CDKL5: variants seen among roughly 807,000 people sequenced by gnomAD.
CDKL5 encodes cyclin dependent kinase like 5, also known as cyclin-dependent kinase-like 5.
In CDKL5, 8 loss-of-function variants were observed where a neutral mutation model predicts 61.7. The observed-to-expected ratio is 0.13, with a 90% CI of 0.08 to 0.23. The LOEUF (loss-of-function observed/expected upper bound fraction) is 0.23, where lower values mean the gene tolerates loss of function less well. Among genes scored for constraint, CDKL5 ranks in the 10% least tolerant of loss-of-function variants. The pLI, the probability that CDKL5 is intolerant of heterozygous loss-of-function variation, is 1.00. For synonymous variants in CDKL5, 275 were observed against 272.3 expected (o/e 1.01, Z -0.10); for missense variants, 440 against 734.5 (o/e 0.60, Z 4.63).
At position 18,631,144 on chromosome X, in the gene CDKL5, A is replaced by G; in HGVS notation, c.*2387A>G. ...CTGGGATCTCAGATGTTTGCAGAAC[A>G]TTTCTATTCATGACGGTTCTTCAAA... On this transcript the variant is annotated 3_prime_UTR_variant, in exon 18 of 18. Coordinates refer to ENST00000623535, the MANE Select transcript of CDKL5 (RefSeq NM_001323289.2). 1.3e-6 allele frequency: 1 copy of G among 752,905 alleles called. No homozygotes were observed. Among genetic ancestry groups the G allele is most frequent in the East Asian group, 1.5e-4 (1 of 6,612 alleles). The allele number at this position is 752,905 out of a possible 1,213,427, so 62.0% of individuals were successfully genotyped here.
chrX:18,426,102 G>A (rs931262235), intron 1 of CDKL5: 5 of 112,432 alleles, frequency 4.4e-5, no homozygotes, highest in African/African-American at 1.3e-4. Flanking sequence ...CGCCGGCGCC[G>A]AGGAGGGGCC....
chrX:18,484,865 CCTT>C (rs1921731521), intron 1 of CDKL5, among the ~76,000 whole-genome samples: 1 of 108,487 alleles, frequency 9.2e-6, no homozygotes, highest in Non-Finnish European at 1.9e-5. Flanking sequence ...CTCAAGCGAT[CCTT>C]CTACCTCAGC....
chrX:18,571,637 A>G (rs1485172743), intron 4 of CDKL5, among the ~76,000 whole-genome samples: 1 of 111,245 alleles, frequency 9.0e-6, no homozygotes, highest in East Asian at 2.8e-4. Flanking sequence ...GTGTAATTGG[A>G]ATGTGCCTTC....
intron 10 of CDKL5, among the ~76,000 whole-genome samples, chrX:18,597,413 C>T (rs1926031996): frequency 9.1e-6 from 1 of 109,584 alleles, no homozygotes; most frequent in Non-Finnish European, 1.9e-5. Flanking sequence ...AAAATTAATT[C>T]AAGCCCCTAA....
chrX:18,547,238 A>C (rs752409544), intron 3 of CDKL5, among the ~76,000 whole-genome samples: 1 of 112,121 alleles, frequency 8.9e-6, no homozygotes, highest in Non-Finnish European at 1.9e-5. Context: ...CTTAGTTGAG[A>C]AACTAACTGC....
In CDKL5 at chrX:18,598,524, A is replaced by G. The variant is rs760048639; in HGVS notation, c.888A>G (p.Thr296=). Residue 296 remains threonine, a synonymous_variant, in exon 11 of 18, where the codon ACA becomes ACG. Transcript: ENST00000623535. The part of the protein sequence containing the change: ...YLTEQCLNHP[T]FQTQRLLDRS... ...CAGAACAGTGTTTGAATCACCCTAC[A>G]TTTCAAACCCAGAGACTTCTGGATC... is the stretch of plus-strand genomic sequence containing the variant. 9 of 1,205,051 alleles carry G rather than the reference A, an allele frequency of 7.5e-6. No homozygotes were observed. The highest frequency in any genetic ancestry group is 7.9e-6 in the Non-Finnish European group (7 of 890,557).
chrX:18,641,496 T>C (rs1927573927), downstream of CDKL5: 1 of 130,325 alleles, frequency 7.7e-6, no homozygotes, highest in Non-Finnish European at 1.6e-5. Flanking sequence ...CCAGTCACCC[T>C]TGAGACCCTC....
At chrX:18,597,948 C>A (rs1926057880) in intron 10 of CDKL5, among the ~76,000 whole-genome samples, 1 of 110,429 alleles carries the variant, frequency 9.1e-6, no homozygotes, top group Admixed American at 9.7e-5. Context: ...TAAATTCAGG[C>A]AATTATGTGT....
Position 18,633,737 on chromosome X carries a change from G to A in CDKL5, c.*4980G>A. The stretch of plus-strand genomic sequence containing the variant: ...TGTGAATTGAATGTACGATACAAAT[G>A]GTAGGCCTTCATGTGAGCCAGTTAC... On this transcript the variant is annotated 3_prime_UTR_variant, in exon 18 of 18. Coordinates refer to ENST00000623535, the MANE Select transcript of CDKL5 (RefSeq NM_001323289.2). The A allele has an allele frequency of 2.7e-6, 2 of 752,646 alleles. No homozygotes were observed. The highest frequency in any genetic ancestry group is 3.1e-6 in the Non-Finnish European group (2 of 638,472). 62.0% of individuals were successfully genotyped at this position (752,646 alleles called of 1,213,427 possible). A position where few individuals can be genotyped will look rare whatever the true frequency, so the allele number is the denominator to read the frequency against.
chrX:18,426,162 A>AG (rs1176107928), intron 1 of CDKL5: 1 of 112,244 alleles, frequency 8.9e-6, no homozygotes, highest in African/African-American at 3.2e-5. Context: ...GAGACTCGCC[A>AG]GGGGCCGTCA....
intron 1 of CDKL5, among the ~76,000 whole-genome samples, chrX:18,462,067 A>AT (rs1185416648): frequency 2.0e-5 from 2 of 102,235 alleles, no homozygotes; most frequent in Admixed American, 1.1e-4. Context: ...AAGACATGAG[A>AT]TTTTTTTTGC....
At chrX:18,641,296 A>G (rs1338938277), downstream of CDKL5, 1 of 113,046 alleles carries the variant, frequency 8.8e-6, no homozygotes, top group Admixed American at 9.2e-5. Flanking sequence ...GGATTGCATA[A>G]TGGAGCTGTG....
chrX:18,628,115 A>C (rs1179941303), intron 17 of CDKL5, among the ~76,000 whole-genome samples: 2 of 112,174 alleles, frequency 1.8e-5, no homozygotes, highest in African/African-American at 6.5e-5. Flanking sequence ...GCAACCAGGT[A>C]GATGAGCCTG....
intron 16 of CDKL5, among the ~76,000 whole-genome samples, chrX:18,621,125 G>T (rs1014454022): frequency 4.5e-5 from 5 of 111,845 alleles, no homozygotes. Context: ...AATCAAAATG[G>T]CCTGTTCAGA....
intron 16 of CDKL5, among the ~76,000 whole-genome samples, chrX:18,623,189 A>C (rs1208389116): frequency 8.9e-6 from 1 of 112,357 alleles, no homozygotes; most frequent in Admixed American, 9.4e-5. Context: ...ATTGTATCCT[A>C]GTTAGTTAGT....
chrX:18,618,382 G>C (rs1926783765), intron 15 of CDKL5, among the ~76,000 whole-genome samples: 1 of 111,670 alleles, frequency 9.0e-6, no homozygotes, highest in Non-Finnish European at 1.9e-5. Flanking sequence ...GTTAAAAATA[G>C]TATTGCCATT....
chrX:18,499,258 T>C (rs1170614635), intron 1 of CDKL5, among the ~76,000 whole-genome samples: 1 of 111,532 alleles, frequency 9.0e-6, no homozygotes, highest in Non-Finnish European at 1.9e-5. Flanking sequence ...TTTCATTTAG[T>C]TCTCTTTTTT....
intron 1 of CDKL5, among the ~76,000 whole-genome samples, chrX:18,431,581 C>G (rs1931491271): frequency 9.2e-6 from 1 of 109,201 alleles, no homozygotes. Flanking sequence ...GCCACCATGC[C>G]TAGCTAATTT....
At chrX:18,580,875 G>A (rs868135924) in intron 6 of CDKL5, among the ~76,000 whole-genome samples, 3 of 111,675 alleles carry the variant, frequency 2.7e-5, no homozygotes, top group East Asian at 2.8e-4. Flanking sequence ...GAATGCCATC[G>A]TCTTTTATTC....
Sources: gnomAD v4.1 joint callset for allele counts (sites outside exome capture counted in the v4.1 genomes callset) on GRCh38, gnomAD v4.1.1 for gene constraint, MANE v1.5 for transcripts, NCBI Gene and HGNC (gene_info 2026-07-23, HGNC 2026-07-21) for gene names.